PPP1R7: variants seen among roughly 807,000 people sequenced by gnomAD.
PPP1R7 encodes protein phosphatase 1 regulatory subunit 22.
Under a neutral mutation model 45.2 loss-of-function variants are expected in PPP1R7, and 18 were observed. The ratio of observed to expected loss-of-function variants is 0.40; its 90% CI spans 0.28 to 0.59. PPP1R7 has a LOEUF of 0.59. Among genes scored for constraint, PPP1R7 ranks in the 20% least tolerant of loss-of-function variants. The probability of loss-of-function intolerance (pLI) is 0.46; values close to 1 mark genes in which losing one functional copy is unlikely to be tolerated. For synonymous variants in PPP1R7, 181 were observed against 183.4 expected (o/e 0.99, Z 0.11); for missense variants, 314 against 455.8 (o/e 0.69, Z 2.83).
intron 9 of PPP1R7, among the ~76,000 whole-genome samples, chr2:241,173,374 G>T (rs2067853024): frequency 1.3e-5 from 2 of 151,836 alleles, no homozygotes; most frequent in Admixed American, 1.3e-4. Context: ...CTCCCAAAGG[G>T]CTGGGAGTAC....
chr2:241,151,633 G>A, intron 1 of PPP1R7: 2 of 457,158 alleles, frequency 4.4e-6, no homozygotes, highest in East Asian at 7.1e-5. Flanking sequence ...CATACCCTTT[G>A]AGTCTTTTTA....
At chr2:241,171,621 G>A (rs1383196604) in intron 9 of PPP1R7, among the ~76,000 whole-genome samples, 3 of 152,182 alleles carry the variant, frequency 2.0e-5, no homozygotes, top group Non-Finnish European at 4.4e-5. Flanking sequence ...TCCAATTACT[G>A]AGAGGAGAAT....
intron 9 of PPP1R7, among the ~76,000 whole-genome samples, chr2:241,181,191 C>G (rs965543507): frequency 6.6e-6 from 1 of 151,910 alleles, no homozygotes; most frequent in East Asian, 1.9e-4. Context: ...GAGCGAGACT[C>G]CCTCTCAAAA....
chr2:241,163,208 C>A, intron 6 of PPP1R7, 77 bp from the exon 7 acceptor site: 1 of 897,814 alleles, frequency 1.1e-6, no homozygotes, highest in South Asian at 1.5e-5. Context: ...ATAGCTCTGC[C>A]CCGGTCCAGG....
chr2:241,149,689 C>A (rs1174092963), upstream of PPP1R7: 33 of 1,550,030 alleles, frequency 2.1e-5, no homozygotes, highest in Middle Eastern at 1.7e-4. Context: ...CGGTTTCCTC[C>A]CGACTCGCGA....
intron 3 of PPP1R7, 45 bp downstream of exon 3, chr2:241,157,907 AC>A: frequency 6.4e-7 from 1 of 1,566,548 alleles, no homozygotes; most frequent in East Asian, 2.2e-5. Flanking sequence ...GTGATGGACC[AC>A]CCTGTCAGGT....
intron 1 of PPP1R7, among the ~76,000 whole-genome samples, chr2:241,153,195 C>T (rs1321009075): frequency 6.6e-6 from 1 of 152,196 alleles, no homozygotes; most frequent in East Asian, 1.9e-4. Context: ...TGATCCAAGG[C>T]TTTCAGAACA....
At chr2:241,179,140 A>G (rs2067958409) in intron 9 of PPP1R7, among the ~76,000 whole-genome samples, 2 of 152,222 alleles carry the variant, frequency 1.3e-5, no homozygotes. Context: ...GGAAAACGTC[A>G]GCCAAGAAGA....
At chr2:241,167,019 C>G (rs1400150070) in intron 8 of PPP1R7, 3 of 1,608,902 alleles carry the variant, frequency 1.9e-6, no homozygotes, top group Non-Finnish European at 2.5e-6. Flanking sequence ...ATGCTCCTCC[C>G]TCCCTCCCCG....
intron 8 of PPP1R7, among the ~76,000 whole-genome samples, chr2:241,167,475 G>A (rs1164063294): frequency 1.3e-5 from 2 of 152,204 alleles, no homozygotes; most frequent in Non-Finnish European, 2.9e-5. Context: ...CAGTGGAATG[G>A]CGCTGAGGAC....
chr2:241,182,914 T>C lies in PPP1R7; in HGVS notation c.*91T>C. 3 of 1,419,302 alleles carry C rather than the reference T, an allele frequency of 2.1e-6. No individual in the cohort carries two copies. Among genetic ancestry groups the C allele is most frequent in the Non-Finnish European group, 2.9e-6 (3 of 1,048,234 alleles). The allele number at this position is 1,419,302 out of a possible 1,614,324, so 87.9% of individuals were successfully genotyped here. On this transcript the variant is annotated 3_prime_UTR_variant, in exon 10 of 10. Coordinates refer to ENST00000234038, the MANE Select transcript of PPP1R7 (RefSeq NM_002712.3). The stretch of plus-strand genomic sequence containing the variant: ...CACCTGTTGCTCCTGAGGTCGTCAC[T>C]ATATCAACAGTCACAAACCCAATGG...
intron 4 of PPP1R7, 57 bp from the exon 5 acceptor site, chr2:241,159,155 AG>A: frequency 1.9e-6 from 3 of 1,580,546 alleles, no homozygotes; most frequent in Non-Finnish European, 2.6e-6. Flanking sequence ...GTATCAGCTG[AG>A]GCCTTCTCGT....
chr2:241,158,396 C>T, intron 3 of PPP1R7, 88 bp from the exon 4 acceptor site: 1 of 1,285,224 alleles, frequency 7.8e-7, no homozygotes. Context: ...TCCCCCACTG[C>T]TGCCCACTTC....
At chr2:241,153,751 G>A in intron 2 of PPP1R7, 147 bp downstream of exon 2, 2 of 1,019,576 alleles carry the variant, frequency 2.0e-6, no homozygotes, top group Non-Finnish European at 2.8e-6. Context: ...CAGGGCAGGT[G>A]GATATGCTCT....
chr2:241,169,938 A>G, intron 9 of PPP1R7, 71 bp downstream of exon 9: 1 of 1,249,012 alleles, frequency 8.0e-7, no homozygotes, highest in Non-Finnish European at 1.2e-6. Context: ...ATGTCTTATG[A>G]ATGAATACAA....
In PPP1R7 at chr2:241,183,332, AAAG is replaced by A. The variant is rs1338411072; in HGVS notation, c.*510_*512del. On this transcript the variant is annotated 3_prime_UTR_variant, in exon 10 of 10. Coordinates refer to ENST00000234038, the MANE Select transcript of PPP1R7 (RefSeq NM_002712.3). ...TTTTTTAAAAATTAGGTAAGTTAAA[AAAG>A]CTGGGTAAAAGCTGACTCAGCCCTG... The A allele has an allele frequency of 2.3e-6, 1 of 434,062 alleles. No individual in the cohort carries two copies. Among genetic ancestry groups the A allele is most frequent in the Non-Finnish European group, 4.7e-6 (1 of 212,934 alleles). The allele number at this position is 434,062 out of a possible 1,614,324, so 26.9% of individuals were successfully genotyped here.
At position 241,182,712 on chromosome 2, in the gene PPP1R7, G is replaced by T; in HGVS notation, c.972G>T (p.Glu324Asp). 1 of 1,614,214 alleles carries T rather than the reference G, an allele frequency of 6.2e-7. No individual in the cohort carries two copies. The change falls in exon 10 of 10, where the codon GAG becomes GAT. Residue 324 changes from glutamate to aspartate, a missense_variant. By Grantham distance (45) the Glu-to-Asp change is conservative. Around this residue, in one of 3 missense-constraint regions of PPP1R7, gnomAD observed 168 missense variants for 285.3 expected, o/e 0.59. Transcript: ENST00000234038. Reference sequence around the variant, plus strand: ...AGCTGAAGGGAGCCAGGAGCCTGGAGACAGTGTACCTGGAGCGGAACCCCT... The same window carrying T: ...AGCTGAAGGGAGCCAGGAGCCTGGATACAGTGTACCTGGAGCGGAACCCCT... ...LDELKGARSL[E>D]TVYLERNPLQ...
At chr2:241,171,760 A>G (rs1450475168) in intron 9 of PPP1R7, among the ~76,000 whole-genome samples, 1 of 152,186 alleles carries the variant, frequency 6.6e-6, no homozygotes, top group Admixed American at 6.5e-5. Context: ...ATTCTTGATG[A>G]ATTGATCCAT....
At chr2:241,163,441 G>A (rs2067639144) in intron 7 of PPP1R7, 40 bp downstream of exon 7, 1 of 1,413,402 alleles carries the variant, frequency 7.1e-7, no homozygotes, top group Admixed American at 1.7e-5. Context: ...GCGAGCCCTG[G>A]CAGGGCCAGC....
Sources: gnomAD v4.1 joint callset for allele counts (sites outside exome capture counted in the v4.1 genomes callset) on GRCh38, gnomAD v4.1.1 for gene constraint, gnomAD v4.1.1 regional missense constraint, MANE v1.5 for transcripts, NCBI Gene and HGNC (gene_info 2026-07-23, HGNC 2026-07-21) for gene names.